JMJD1C: variants seen among roughly 807,000 people sequenced by gnomAD.
The protein encoded by JMJD1C is jumonji domain containing 1C, also known as jumonji domain-containing protein 1C.
In JMJD1C, 31 loss-of-function variants were observed where a neutral mutation model predicts 245.3. The observed-to-expected ratio is 0.13, with a 90% CI of 0.09 to 0.17. The LOEUF (loss-of-function observed/expected upper bound fraction) is 0.17. JMJD1C is among the 10% of genes least tolerant of loss of function. The pLI is 1.00. For missense variants in JMJD1C, 2,691 were observed against 3,000.2 expected, an observed-to-expected ratio of 0.90 and a Z score of 2.41; for synonymous variants, 1,057 against 1,017.4, an observed-to-expected ratio of 1.04 and a Z score of -0.74.
At chr10:63,296,011 A>T (rs868275044) in intron 2 of JMJD1C, among the ~76,000 whole-genome samples, 6 of 12,772 alleles carry the variant, frequency 4.7e-4, no homozygotes, top group South Asian at 3.5e-3. Flanking sequence ...GTGTATATAT[A>T]TATTTTTTTT....
chr10:63,265,353 A>ACTT (rs1855433985), intron 2 of JMJD1C, among the ~76,000 whole-genome samples: 1 of 151,454 alleles, frequency 6.6e-6, no homozygotes. Flanking sequence ...GTCCGGTAAG[A>ACTT]AGTACTACAC....
At chr10:63,413,985 CTTT>C (rs397846162) in intron 1 of JMJD1C, among the ~76,000 whole-genome samples, 4 of 132,012 alleles carry the variant, frequency 3.0e-5, no homozygotes, top group Admixed American at 7.6e-5. Flanking sequence ...GCTATCAATA[CTTT>C]TTTTTTTTTT....
At chr10:63,213,038 C>T (rs4747118) in intron 8 of JMJD1C, among the ~76,000 whole-genome samples, 148,732 of 150,982 alleles carry the variant, frequency 0.99, 73,292 homozygotes, top group Middle Eastern at 1. Flanking sequence ...ATACAAAAAT[C>T]TGCCAGGCAT....
At chr10:63,204,436 T>C (rs767975989) in intron 10 of JMJD1C, 5 of 985,170 alleles carry the variant, frequency 5.1e-6, no homozygotes, top group African/African-American at 1.7e-5. Flanking sequence ...CTTAATTTCA[T>C]AAATTTAACT....
At chr10:63,370,554 T>G (rs1332355919) in intron 2 of JMJD1C, among the ~76,000 whole-genome samples, 2 of 152,210 alleles carry the variant, frequency 1.3e-5, no homozygotes, top group Admixed American at 6.5e-5. Context: ...TATGCTACCT[T>G]CCTTGATAAC....
intron 1 of JMJD1C, 44 bp from the exon 2 acceptor site, chr10:63,380,526 G>A (rs752940763): frequency 6.7e-7 from 1 of 1,495,734 alleles, no homozygotes; most frequent in Admixed American, 1.9e-5. Context: ...AAATAGAAGA[G>A]TGGTATATCT....
At chr10:63,379,029 TTCCTA>T (rs1292920760) in intron 2 of JMJD1C, among the ~76,000 whole-genome samples, 1 of 152,090 alleles carries the variant, frequency 6.6e-6, no homozygotes, top group Admixed American at 6.5e-5. Context: ...CTTCCCTCCC[TTCCTA>T]TCCTGTCTTT....
intron 1 of JMJD1C, among the ~76,000 whole-genome samples, chr10:63,393,921 C>T (rs1948272622): frequency 6.6e-6 from 1 of 152,176 alleles, no homozygotes; most frequent in Admixed American, 6.5e-5. Flanking sequence ...TGGCTCATGC[C>T]TGTAATCCCA....
intron 1 of JMJD1C, among the ~76,000 whole-genome samples, chr10:63,450,108 G>A (rs776431131): frequency 2.6e-5 from 4 of 151,932 alleles, no homozygotes; most frequent in Admixed American, 6.6e-5. Context: ...GTGAGACCCT[G>A]TCTCAAAAAA....
intron 1 of JMJD1C, among the ~76,000 whole-genome samples, chr10:63,517,690 A>G (rs1486552866): frequency 6.6e-6 from 1 of 152,034 alleles, no homozygotes; most frequent in Non-Finnish European, 1.5e-5. Context: ...AAGAGACCAC[A>G]CTATAAAAGC....
chr10:63,266,289 G>T (rs1170047441), intron 2 of JMJD1C, among the ~76,000 whole-genome samples: 1 of 151,926 alleles, frequency 6.6e-6, no homozygotes, highest in Non-Finnish European at 1.5e-5. Context: ...ATTTGGGTGA[G>T]AAATCACATT....
chr10:63,375,017 T>C (rs1294901895), intron 2 of JMJD1C, among the ~76,000 whole-genome samples: 1 of 152,172 alleles, frequency 6.6e-6, no homozygotes, highest in Non-Finnish European at 1.5e-5. Flanking sequence ...TGTCTTTTTC[T>C]GGTCTAATTT....
At chr10:63,252,160 G>T (rs1853179485) in intron 3 of JMJD1C, among the ~76,000 whole-genome samples, 1 of 152,214 alleles carries the variant, frequency 6.6e-6, no homozygotes, top group Non-Finnish European at 1.5e-5. Context: ...CATTTTATTT[G>T]CTAAGTCAGA....
chr10:63,253,051 C>A (rs1468372102), intron 3 of JMJD1C, among the ~76,000 whole-genome samples: 1 of 152,176 alleles, frequency 6.6e-6, no homozygotes, highest in African/African-American at 2.4e-5. Context: ...AGACATTGAT[C>A]TGGTATTTCA....
intron 1 of JMJD1C, among the ~76,000 whole-genome samples, chr10:63,394,344 T>C (rs1948312145): frequency 6.6e-6 from 1 of 152,114 alleles, no homozygotes; most frequent in African/African-American, 2.4e-5. Context: ...TGGAAATGGA[T>C]AGTCTCTTCA....
chr10:63,287,204 A>G (rs1011644776), intron 2 of JMJD1C, among the ~76,000 whole-genome samples: 8 of 152,234 alleles, frequency 5.3e-5, no homozygotes, highest in Non-Finnish European at 8.8e-5. Context: ...GATGCAAAAA[A>G]GGATTAGGAA....
At chr10:63,451,609 G>A (rs750445903) in intron 1 of JMJD1C, among the ~76,000 whole-genome samples, 8 of 152,182 alleles carry the variant, frequency 5.3e-5, no homozygotes, top group Non-Finnish European at 5.9e-5. Flanking sequence ...GGAATTTTAA[G>A]TATTCTAGAG....
chr10:63,196,963 ATTTTTTGTATTTT>A (rs1157289681), intron 13 of JMJD1C, among the ~76,000 whole-genome samples: 1 of 150,474 alleles, frequency 6.6e-6, no homozygotes, highest in Non-Finnish European at 1.5e-5. Flanking sequence ...TGCGCAGCTC[ATTTTTTGTATTTT>A]TTTTTTGTAG....
chr10:63,510,604 G>A (rs1202786371), intron 1 of JMJD1C, among the ~76,000 whole-genome samples: 1 of 152,104 alleles, frequency 6.6e-6, no homozygotes, highest in Non-Finnish European at 1.5e-5. Flanking sequence ...TTGTTTTATG[G>A]CCTAGAATGA....
Sources: gnomAD v4.1 joint callset for allele counts (sites outside exome capture counted in the v4.1 genomes callset) on GRCh38, gnomAD v4.1.1 for gene constraint, MANE v1.5 for transcripts, NCBI Gene and HGNC (gene_info 2026-07-23, HGNC 2026-07-21) for gene names.